Variants in ANKS1B observed in about 807,000 individuals in gnomAD.
ANKS1B encodes the protein ankyrin repeat and sterile alpha motif domain-containing protein 1B.
Under a neutral mutation model 148.3 loss-of-function variants are expected in ANKS1B, and 36 were observed. The ratio of observed to expected loss-of-function variants is 0.24; its 90% CI spans 0.19 to 0.32. The LOEUF (loss-of-function observed/expected upper bound fraction) is 0.32, where lower values mean the gene tolerates loss of function less well. Among genes scored for constraint, ANKS1B ranks in the 10% least tolerant of loss-of-function variants. The pLI is 1.00. For synonymous variants in ANKS1B, 542 were observed against 560.8 expected, an observed-to-expected ratio of 0.97 and a Z score of 0.47; for missense variants, 1,157 against 1,542.6, an observed-to-expected ratio of 0.75 and a Z score of 4.19.
rs556137556 is a variant in ANKS1B, at chr12:98,844,851, A to C, written c.2779-12715T>G. On this transcript the variant is annotated intron_variant, in intron 17 of 26. Coordinates refer to ENST00000683438, the MANE Select transcript of ANKS1B (RefSeq NM_001352186.2). ...TACTTATCAGATTTTTCAATGACAT[A>C]AAACTGTGAAAAATATTTAATATAA... 6.6e-5 allele frequency among the ~76,000 whole-genome samples: 10 copies of C among 152,354 alleles called. No individual in the cohort carries two copies. The East Asian group carries it at 1.9e-3, about 29-fold the overall frequency.
At chr12:98,953,719 A>T (rs1343643891) in intron 17 of ANKS1B, among the ~76,000 whole-genome samples, 3 of 151,816 alleles carry the variant, frequency 2.0e-5, no homozygotes, top group African/African-American at 7.3e-5. Context: ...ATAGTCTTCA[A>T]CCTGGCATAC....
chr12:99,320,775 C>T (rs1464703429), intron 12 of ANKS1B, among the ~76,000 whole-genome samples: 1 of 152,150 alleles, frequency 6.6e-6, no homozygotes, highest in African/African-American at 2.4e-5. Flanking sequence ...AGAAGAGGTG[C>T]TCTGATTTTT....
At chr12:99,143,215 A>C (rs948085861) in intron 15 of ANKS1B, among the ~76,000 whole-genome samples, 2 of 152,104 alleles carry the variant, frequency 1.3e-5, no homozygotes, top group East Asian at 1.9e-4. Context: ...TAAAAGTATA[A>C]CAATGTGAAA....
intron 15 of ANKS1B, among the ~76,000 whole-genome samples, chr12:99,119,642 C>T (rs1002491246): frequency 6.6e-6 from 1 of 152,192 alleles, no homozygotes; most frequent in Non-Finnish European, 1.5e-5. Context: ...CACCTGCTGA[C>T]ATTTTTGCAG....
At chr12:98,797,096 G>A (rs1365855656) in intron 22 of ANKS1B, among the ~76,000 whole-genome samples, 1 of 152,152 alleles carries the variant, frequency 6.6e-6, no homozygotes, top group Non-Finnish European at 1.5e-5. Flanking sequence ...AAATTATTAT[G>A]AGGCTTGATG....
chr12:99,941,917 C>A (rs772584565), intron 1 of ANKS1B, among the ~76,000 whole-genome samples: 1 of 152,070 alleles, frequency 6.6e-6, no homozygotes, highest in Non-Finnish European at 1.5e-5. Flanking sequence ...ACAGGGAGGA[C>A]GGTATGGACA....
At position 99,064,974 on chromosome 12, in the gene ANKS1B, T is replaced by C. The variant is rs533372406; in HGVS notation, c.2626-11665A>G. 2.6e-5 allele frequency among the ~76,000 whole-genome samples: 4 copies of C among 152,362 alleles called. No homozygotes were observed. In the South Asian group the frequency reaches 8.3e-4, roughly 32 times the overall value. On this transcript the variant is annotated intron_variant, in intron 16 of 26. Transcript: ENST00000683438. ...TTAAACATCGTTATTTGTTTTGATA[T>C]GTTTCCTTGTTGCAAAGCTTTTTTT...
intron 17 of ANKS1B, among the ~76,000 whole-genome samples, chr12:98,960,377 T>C (rs2099869241): frequency 3.3e-5 from 5 of 152,188 alleles, no homozygotes; most frequent in Non-Finnish European, 7.3e-5. Flanking sequence ...TTCCAGATCT[T>C]ATCCAAGACC....
At chr12:99,726,091 G>C (rs1242469819) in intron 8 of ANKS1B, among the ~76,000 whole-genome samples, 2 of 152,068 alleles carry the variant, frequency 1.3e-5, no homozygotes, top group Non-Finnish European at 2.9e-5. Flanking sequence ...AGAGAAGCAA[G>C]AGCAAACTAA....
At chr12:98,879,924 G>A (rs1043927292) in intron 17 of ANKS1B, among the ~76,000 whole-genome samples, 4 of 152,082 alleles carry the variant, frequency 2.6e-5, no homozygotes, top group Admixed American at 6.5e-5. Flanking sequence ...CATCAGCCAA[G>A]ATTTCCATGA....
chr12:99,140,082 C>T (rs551867061), intron 15 of ANKS1B, among the ~76,000 whole-genome samples: 1 of 152,186 alleles, frequency 6.6e-6, no homozygotes, highest in Non-Finnish European at 1.5e-5. Flanking sequence ...TCATAAAAAT[C>T]ATCACAATGT....
chr12:99,687,258 G>A (rs867959017), intron 8 of ANKS1B, among the ~76,000 whole-genome samples: 22 of 152,018 alleles, frequency 1.4e-4, no homozygotes, highest in African/African-American at 5.1e-4. Context: ...GCTGCTTTTA[G>A]GATTCTTCTT....
At chr12:99,390,709 A>T (rs1193673897) in intron 12 of ANKS1B, among the ~76,000 whole-genome samples, 4 of 152,218 alleles carry the variant, frequency 2.6e-5, no homozygotes, top group African/African-American at 9.6e-5. Context: ...GACTAGCAAG[A>T]TTTTGGGGAT....
chr12:99,816,055 T>G (rs2069088493), intron 2 of ANKS1B, among the ~76,000 whole-genome samples: 1 of 151,830 alleles, frequency 6.6e-6, no homozygotes, highest in African/African-American at 2.4e-5. Flanking sequence ...TTAAGGAATC[T>G]CCATACTGTT....
intron 17 of ANKS1B, among the ~76,000 whole-genome samples, chr12:98,957,054 G>T (rs1378683103): frequency 6.6e-6 from 1 of 152,074 alleles, no homozygotes. Flanking sequence ...AAACTTAATA[G>T]CTCTAGAAGT....
intron 12 of ANKS1B, among the ~76,000 whole-genome samples, chr12:99,314,109 C>T (rs1468675274): frequency 1.3e-5 from 2 of 152,116 alleles, no homozygotes; most frequent in Non-Finnish European, 2.9e-5. Flanking sequence ...CACAAGCATT[C>T]CTATACACCA....
At chr12:99,002,789 G>GT (rs1240465502) in intron 17 of ANKS1B, among the ~76,000 whole-genome samples, 5 of 152,008 alleles carry the variant, frequency 3.3e-5, no homozygotes, top group East Asian at 1.9e-4. Context: ...TTCTATGGTA[G>GT]TTTTTTTCAT....
At chr12:99,105,846 G>C (rs148643632) in intron 15 of ANKS1B, among the ~76,000 whole-genome samples, 9 of 151,350 alleles carry the variant, frequency 5.9e-5, no homozygotes, top group African/African-American at 2.2e-4. Flanking sequence ...ATGCAGTAGA[G>C]ACAGAGGGGT....
intron 9 of ANKS1B, among the ~76,000 whole-genome samples, chr12:99,547,274 A>G (rs1288808958): frequency 1.1e-4 from 17 of 152,142 alleles, no homozygotes; most frequent in Non-Finnish European, 2.9e-5. Flanking sequence ...GGATTAGGAG[A>G]TAACATGTGG....
Sources: gnomAD v4.1 joint callset for allele counts (sites outside exome capture counted in the v4.1 genomes callset) on GRCh38, gnomAD v4.1.1 for gene constraint, MANE v1.5 for transcripts, NCBI Gene and HGNC (gene_info 2026-07-23, HGNC 2026-07-21) for gene names.